The following CES4A variants were observed in gnomAD, a reference collection of about 807,000 sequenced individuals.
CES4A encodes carboxylesterase 4A.
CES4A carries 48 observed loss-of-function variants against 65.4 expected under a neutral mutation model. That is an observed-to-expected ratio of 0.73 (90% CI 0.58 to 0.93). The LOEUF (loss-of-function observed/expected upper bound fraction) is 0.93. Ranked by LOEUF, CES4A falls within the 40% of genes least tolerant of loss-of-function variation. The pLI, the probability that CES4A is intolerant of heterozygous loss-of-function variation, is 0.00. For missense variants in CES4A, 685 were observed against 728.5 expected, an observed-to-expected ratio of 0.94 and a Z score of 0.69; for synonymous variants, 247 against 281.8, an observed-to-expected ratio of 0.88 and a Z score of 1.24.
chr16:67,006,905 A>G (rs1054208930), intron 13 of CES4A, 88 bp downstream of exon 13: 2 of 1,320,898 alleles, frequency 1.5e-6, no homozygotes, highest in Non-Finnish European at 2.1e-6. Flanking sequence ...TTGCCCCAGC[A>G]TGTCCTACAG....
chr16:66,994,866 C>T (rs1351755115), intron 1 of CES4A, among the ~76,000 whole-genome samples: 6 of 148,082 alleles, frequency 4.1e-5, no homozygotes, highest in East Asian at 2.0e-4. Flanking sequence ...TAGCCAGGCG[C>T]GGTGCTGTGT....
At chr16:67,006,284 C>T (rs1189575840) in intron 11 of CES4A, 107 bp from the exon 12 acceptor site, 2 of 1,262,192 alleles carry the variant, frequency 1.6e-6, no homozygotes, top group Non-Finnish European at 2.2e-6. Flanking sequence ...GATTCTGAAG[C>T]CAAAGCTCTT....
rs546989388 is a variant in CES4A, at chr16:67,001,111, G to C, written c.536+121G>C. ...GGGTGGGGCCGCGAGGCGGGGGCGG[G>C]GCCTGGCGCTCGGTGGAAGGGGCGG... On this transcript the variant is annotated intron_variant, in intron 4 of 13. Transcript: ENST00000648724. The surrounding 1 kb of genome is among the most constrained non-coding windows in gnomAD (Gnocchi z 4.1). The C allele has an allele frequency of 6.4e-4, 806 of 1,256,332 alleles. 7 individuals carry two copies. In the African/African-American group the frequency reaches 0.011, roughly 17 times the overall value. The allele number at this position is 1,256,332 out of a possible 1,614,324, so 77.8% of individuals were successfully genotyped here. A position where few individuals can be genotyped will look rare whatever the true frequency, so the allele number is the denominator to read the frequency against.
chr16:67,006,776 C>A, exon 13 of CES4A: 10 of 1,614,196 alleles, frequency 6.2e-6, no homozygotes, highest in Non-Finnish European at 7.6e-6. Flanking sequence ...AGGCACTTAG[C>A]CTCCAGATGA....
intron 2 of CES4A, among the ~76,000 whole-genome samples, chr16:66,999,932 A>T (rs1239183039): frequency 6.6e-6 from 1 of 152,128 alleles, no homozygotes; most frequent in Non-Finnish European, 1.5e-5. Flanking sequence ...GCTTGAGAGG[A>T]CTGAGGCCCA....
chr16:67,001,210 G>C lies in CES4A; in HGVS notation c.537-98G>C. 6.9e-7 allele frequency: 1 copy of C among 1,439,162 alleles called. No homozygotes were observed. Among genetic ancestry groups the C allele is most frequent in the South Asian group, 1.4e-5 (1 of 72,748 alleles). The allele number at this position is 1,439,162 out of a possible 1,614,324, so 89.1% of individuals were successfully genotyped here. A position where few individuals can be genotyped will look rare whatever the true frequency, so the allele number is the denominator to read the frequency against. On this transcript the variant is annotated intron_variant, in intron 4 of 13. Coordinates refer to ENST00000648724, the Ensembl canonical transcript of CES4A. The surrounding 1 kb of genome is among the most constrained non-coding windows in gnomAD (Gnocchi z 4.1). ...GTGGTCGCAGGACTGGGTCTTAGAGGGGCAAGGCTGGGCTGGGTGGGGGAA... is the reference window on the plus strand; with the variant it reads ...GTGGTCGCAGGACTGGGTCTTAGAGCGGCAAGGCTGGGCTGGGTGGGGGAA...
chr16:66,988,964 G>C, intron 1 of CES4A, 134 bp downstream of exon 1: 1 of 1,092,534 alleles, frequency 9.2e-7, no homozygotes, highest in Non-Finnish European at 1.3e-6. Context: ...ATGGAGGGTA[G>C]GGTTTCAGGA....
chr16:67,010,311 C>T (rs1232006495), downstream of CES4A, among the ~76,000 whole-genome samples: 2 of 151,952 alleles, frequency 1.3e-5, no homozygotes, highest in African/African-American at 4.8e-5. Context: ...GGTAATCCAC[C>T]CGTCTCAGCC....
rs1374837395 is a variant in CES4A at position 67,001,202 on chromosome 16, T to C, written c.537-106T>C. On this transcript the variant is annotated intron_variant, in intron 4 of 13. Coordinates refer to ENST00000648724, the Ensembl canonical transcript of CES4A. This position sits in a 1 kb window ranked among gnomAD's most constrained non-coding sequence, Gnocchi z 4.1. ...AAGGGGGTGTGGTCGCAGGACTGGG[T>C]CTTAGAGGGGCAAGGCTGGGCTGGG... The C allele has an allele frequency of 7.2e-7, 1 of 1,391,370 alleles. No individual in the cohort carries two copies. Among genetic ancestry groups the C allele is most frequent in the East Asian group, 2.5e-5 (1 of 40,054 alleles). 86.2% of individuals were successfully genotyped at this position (1,391,370 alleles called of 1,614,324 possible).
At chr16:66,995,531 G>T in intron 1 of CES4A, 97 bp from the exon 2 acceptor site, 1 of 1,012,420 alleles carries the variant, frequency 9.9e-7, no homozygotes, top group Middle Eastern at 2.7e-4. Context: ...TCTCTTTCCA[G>T]GTGCCTTGGT....
chr16:67,006,044 G>T (rs1015243719), intron 11 of CES4A: 2 of 246,422 alleles, frequency 8.1e-6, no homozygotes, highest in South Asian at 5.7e-5. Flanking sequence ...AAAGGGGGGG[G>T]GGCTGGAAAA....
chr16:67,000,624 C>T lies in CES4A; in HGVS notation c.261-14C>T, dbSNP rs568935434. On this transcript the variant is annotated splice_polypyrimidine_tract_variant and intron_variant, in intron 2 of 13. Coordinates refer to ENST00000648724, the Ensembl canonical transcript of CES4A. The surrounding 1 kb of genome is among the most constrained non-coding windows in gnomAD (Gnocchi z 4.2). ...GATCTCCCCGCGGCCGCCGCCGCTA[C>T]CTGGTGCCCGCAGGTGCCTGCAGGA... 1 of 1,534,676 alleles carries T rather than the reference C, an allele frequency of 6.5e-7. No homozygotes were observed. Among genetic ancestry groups the T allele is most frequent in the East Asian group, 2.5e-5 (1 of 40,518 alleles).
intron 13 of CES4A, 41 bp from the exon 14 acceptor site, chr16:67,008,933 A>C: frequency 6.3e-7 from 1 of 1,584,752 alleles, no homozygotes; most frequent in Non-Finnish European, 8.6e-7. Context: ...AGCAGGATGA[A>C]AAGGAACACA....
At chr16:67,004,824 T>C (rs1965627791) in exon 10 of CES4A, 1 of 1,535,906 alleles carries the variant, frequency 6.5e-7, no homozygotes, top group South Asian at 1.2e-5. Context: ...CGGCAGGCGA[T>C]GAGAAAGGAA....
chr16:66,993,709 A>G (rs973778841), intron 1 of CES4A, among the ~76,000 whole-genome samples: 1 of 152,216 alleles, frequency 6.6e-6, no homozygotes, highest in Non-Finnish European at 1.5e-5. Flanking sequence ...ATTAGCATGT[A>G]CATGTGAGTA....
At chr16:66,999,384 A>T (rs1398463645) in intron 2 of CES4A, among the ~76,000 whole-genome samples, 5 of 152,258 alleles carry the variant, frequency 3.3e-5, no homozygotes. Context: ...TCCACACAGT[A>T]TAAGGCACTG....
chr16:66,999,000 T>C (rs552458029), intron 2 of CES4A, among the ~76,000 whole-genome samples: 1 of 152,364 alleles, frequency 6.6e-6, no homozygotes, highest in Non-Finnish European at 1.5e-5. Flanking sequence ...AGGATGGCTC[T>C]GATGGTGGGA....
chr16:67,003,300 C>T lies in CES4A; in HGVS notation c.840C>T (p.Ile280=), dbSNP rs564735125. ...GATGCAACCACAACAGCACACAGATCCTGGTAAACTGCCTGAGGGCACTAT... is the reference window on the plus strand; with the variant it reads ...GATGCAACCACAACAGCACACAGATTCTGGTAAACTGCCTGAGGGCACTAT... The change falls in exon 7 of 14, where the codon ATC becomes ATT. Residue 280 remains isoleucine, a synonymous_variant. Coordinates refer to ENST00000648724, the Ensembl canonical transcript of CES4A. The surrounding 1 kb of genome is among the most constrained non-coding windows in gnomAD (Gnocchi z 4.2). The T allele has an allele frequency of 6.2e-7, 1 of 1,614,186 alleles. No homozygotes were observed. The highest frequency in any genetic ancestry group is 1.7e-5 in the Admixed American group (1 of 60,030).
At chr16:66,996,370 G>C (rs1211119756) in intron 2 of CES4A, among the ~76,000 whole-genome samples, 2 of 152,130 alleles carry the variant, frequency 1.3e-5, no homozygotes, top group African/African-American at 4.8e-5. Flanking sequence ...CTCCAGGCAA[G>C]GGGGAGGCTG....
Sources: allele counts gnomAD v4.1 joint callset (sites outside exome capture counted in the v4.1 genomes callset), GRCh38; gene constraint gnomAD v4.1.1; non-coding constraint Gnocchi (gnomAD v3.1); transcripts MANE v1.5; gene names NCBI Gene and HGNC (gene_info 2026-07-23, HGNC 2026-07-21).